Variants in CHD6 observed in about 807,000 individuals in gnomAD.
The protein encoded by CHD6 is chromodomain helicase DNA binding protein 6, also known as ATP-dependent chromatin remodeler CHD6.
A neutral mutation model predicts 276.9 loss-of-function variants in CHD6; 50 were observed. The observed-to-expected ratio is 0.18, with a 90% CI of 0.14 to 0.23. The LOEUF is 0.23. Ranked by LOEUF, CHD6 falls within the 10% of genes least tolerant of loss-of-function variation. The pLI is 1.00. For synonymous variants in CHD6, 1,173 were observed against 1,229.3 expected, an observed-to-expected ratio of 0.95 and a Z score of 0.96; for missense variants, 2,564 against 3,365.8, an observed-to-expected ratio of 0.76 and a Z score of 5.89.
chr20:41,452,705 C>A lies in CHD6; in HGVS notation c.3323+35G>T. On this transcript the variant is annotated intron_variant, in intron 21 of 36. Transcript: ENST00000373233. This position sits in a 1 kb window ranked among gnomAD's most constrained non-coding sequence, Gnocchi z 4.2. ...CTGAAAAACAGAGGGGAACAAACAACAATAACAACAAAACTAAGCAGAGCC... is the reference window on the plus strand; with the variant it reads ...CTGAAAAACAGAGGGGAACAAACAAAAATAACAACAAAACTAAGCAGAGCC... 6.3e-7 allele frequency: 1 copy of A among 1,581,712 alleles called. No individual in the cohort carries two copies. The highest frequency in any genetic ancestry group is 8.6e-7 in the Non-Finnish European group (1 of 1,156,602).
chr20:41,617,815 C>G (rs2045948388), intron 1 of CHD6, among the ~76,000 whole-genome samples: 1 of 151,694 alleles, frequency 6.6e-6, no homozygotes, highest in Non-Finnish European at 1.5e-5. Flanking sequence ...CACCAGCCCA[C>G]CCTCCTCCAC....
intron 5 of CHD6, among the ~76,000 whole-genome samples, chr20:41,507,159 T>G (rs1482697813): frequency 6.6e-6 from 1 of 152,216 alleles, no homozygotes; most frequent in Non-Finnish European, 1.5e-5. Context: ...ACTAGACTGC[T>G]TCAAATATTT....
intron 1 of CHD6, among the ~76,000 whole-genome samples, chr20:41,601,861 C>T (rs745402256): frequency 2.6e-5 from 4 of 152,184 alleles, no homozygotes; most frequent in Non-Finnish European, 4.4e-5. Context: ...TGGGACGGGA[C>T]AGGGATCCCT....
In CHD6 at chr20:41,533,072, T is replaced by C; in HGVS notation, c.532A>G (p.Arg178Gly). Residue 178 changes from arginine to glycine, a missense_variant, in exon 3 of 37, where the codon AGG (arginine) becomes GGG (glycine). Transcript: ENST00000373233. ...TACCTGGCCTTCCTGGACTTCGTCC[T>C]GGCTGCAGAGTCAGTGCAGCTCCTC... ...EKRSCTDSAA[R>G]TKSRKASKEQ... 6.2e-7 allele frequency: 1 copy of C among 1,601,508 alleles called. No homozygotes were observed. Among genetic ancestry groups the C allele is most frequent in the Non-Finnish European group, 8.5e-7 (1 of 1,176,330 alleles).
intron 3 of CHD6, among the ~76,000 whole-genome samples, chr20:41,522,499 A>C (rs147908634): frequency 1.3e-5 from 2 of 152,190 alleles, no homozygotes; most frequent in African/African-American, 4.8e-5. Context: ...CTCCCTGCAG[A>C]TTACTTATTA....
At chr20:41,577,113 C>T (rs1262659854) in intron 1 of CHD6, among the ~76,000 whole-genome samples, 1 of 152,112 alleles carries the variant, frequency 6.6e-6, no homozygotes, top group Non-Finnish European at 1.5e-5. Flanking sequence ...ACTTCAACAA[C>T]AACAAAAAAT....
intron 5 of CHD6, among the ~76,000 whole-genome samples, chr20:41,499,874 T>C (rs891436982): frequency 6.6e-6 from 1 of 152,158 alleles, no homozygotes; most frequent in Admixed American, 6.5e-5. Flanking sequence ...TCACATACTA[T>C]TCAAAATCAA....
chr20:41,478,470 A>G (rs1260040260), intron 16 of CHD6, among the ~76,000 whole-genome samples: 2 of 152,178 alleles, frequency 1.3e-5, no homozygotes, highest in East Asian at 3.8e-4. Flanking sequence ...GGAGGCCACA[A>G]TTATGGTGGC....
intron 1 of CHD6, among the ~76,000 whole-genome samples, chr20:41,587,736 C>T (rs541163559): frequency 6.6e-6 from 1 of 152,246 alleles, no homozygotes; most frequent in Non-Finnish European, 1.5e-5. Context: ...CGCAGTGACA[C>T]ATCTAACTGA....
At chr20:41,478,316 C>T (rs1331378641) in intron 16 of CHD6, among the ~76,000 whole-genome samples, 3 of 152,138 alleles carry the variant, frequency 2.0e-5, no homozygotes, top group Non-Finnish European at 2.9e-5. Flanking sequence ...TCCTAACACA[C>T]CAACCCTCTA....
chr20:41,434,688 T>A (rs2145563080), intron 27 of CHD6, among the ~76,000 whole-genome samples: 1 of 152,252 alleles, frequency 6.6e-6, no homozygotes, highest in Admixed American at 6.5e-5. Flanking sequence ...TAATTCTAAA[T>A]GTGTATGCAC....
intron 5 of CHD6, among the ~76,000 whole-genome samples, chr20:41,501,995 CTAATT>C (rs147331500): frequency 0.023 from 3,430 of 152,212 alleles, 49 homozygotes; most frequent in South Asian, 0.041. Context: ...ATTGTTCTTT[CTAATT>C]TATTTTCAAG....
At chr20:41,493,513 C>A in intron 10 of CHD6, 25 bp downstream of exon 10, 1 of 1,609,766 alleles carries the variant, frequency 6.2e-7, no homozygotes, top group East Asian at 2.2e-5. Flanking sequence ...CCGAGAAGTG[C>A]CAGAGAGAGA....
At chr20:41,449,548 T>A (rs1346490790) in intron 23 of CHD6, among the ~76,000 whole-genome samples, 1 of 152,206 alleles carries the variant, frequency 6.6e-6, no homozygotes, top group Non-Finnish European at 1.5e-5. Flanking sequence ...GATGGACAAT[T>A]CCTTATAGCC....
intron 5 of CHD6, among the ~76,000 whole-genome samples, chr20:41,508,685 C>T (rs2044037052): frequency 1.3e-5 from 2 of 152,072 alleles, no homozygotes; most frequent in Admixed American, 1.3e-4. Context: ...TTATGATGAA[C>T]GGCCCCAACA....
intron 5 of CHD6, among the ~76,000 whole-genome samples, chr20:41,504,616 C>A (rs1235990283): frequency 1.3e-5 from 2 of 151,914 alleles, no homozygotes. Flanking sequence ...TGCCATGTTG[C>A]CCAGGTTGGC....
intron 25 of CHD6, among the ~76,000 whole-genome samples, chr20:41,443,202 C>T (rs2047953535): frequency 6.6e-6 from 1 of 152,192 alleles, no homozygotes; most frequent in South Asian, 2.1e-4. Flanking sequence ...TTAATTTATA[C>T]TCCCCAAAAC....
chr20:41,478,183 C>G (rs934531286), intron 16 of CHD6, among the ~76,000 whole-genome samples: 6 of 152,146 alleles, frequency 3.9e-5, no homozygotes, highest in Non-Finnish European at 8.8e-5. Context: ...GTCAACAAGC[C>G]TTGCTCACAT....
At chr20:41,572,049 T>C (rs1347044621) in intron 1 of CHD6, among the ~76,000 whole-genome samples, 1 of 152,260 alleles carries the variant, frequency 6.6e-6, no homozygotes, top group Non-Finnish European at 1.5e-5. Flanking sequence ...TTAGCTATTA[T>C]TTAGTCAATA....
Sources: allele counts gnomAD v4.1 joint callset (sites outside exome capture counted in the v4.1 genomes callset), GRCh38; gene constraint gnomAD v4.1.1; non-coding constraint Gnocchi (gnomAD v3.1); transcripts MANE v1.5; gene names NCBI Gene and HGNC (gene_info 2026-07-23, HGNC 2026-07-21).